Variants in STPG2 observed in about 807,000 individuals in gnomAD.
STPG2 encodes sperm tail PG-rich repeat containing 2.
In STPG2, 56 loss-of-function variants were observed where a neutral mutation model predicts 54.2. The observed-to-expected ratio is 1.03, with a 90% confidence interval of 0.83 to 1.29. The LOEUF is 1.29. Among genes scored for constraint, STPG2 ranks in the 50% most tolerant of loss-of-function variants. The pLI, the probability that STPG2 is intolerant of heterozygous loss-of-function variation, is 0.00. For synonymous variants in STPG2, 200 were observed against 181.8 expected, an observed-to-expected ratio of 1.10 and a Z score of -0.81; for missense variants, 596 against 544.9, an observed-to-expected ratio of 1.09 and a Z score of -0.93.
At chr4:97,736,667 G>A (rs1467403680) in intron 9 of STPG2, among the ~76,000 whole-genome samples, 1 of 152,178 alleles carries the variant, frequency 6.6e-6, no homozygotes, top group Non-Finnish European at 1.5e-5. Flanking sequence ...AGGGGCACCT[G>A]TCATTGCCCA....
chr4:98,000,533 T>C (rs1258660439), intron 5 of STPG2, among the ~76,000 whole-genome samples: 2 of 152,158 alleles, frequency 1.3e-5, no homozygotes, highest in Non-Finnish European at 2.9e-5. Flanking sequence ...AAAGAACATA[T>C]ATCTATTACA....
At chr4:97,731,485 A>G (rs1390640754) in intron 9 of STPG2, among the ~76,000 whole-genome samples, 1 of 152,150 alleles carries the variant, frequency 6.6e-6, no homozygotes, top group African/African-American at 2.4e-5. Context: ...GGAAGCCTAG[A>G]GAGGAAGGTT....
intron 10 of STPG2, among the ~76,000 whole-genome samples, chr4:97,581,949 A>G (rs1365213954): frequency 6.6e-6 from 1 of 151,994 alleles, no homozygotes. Context: ...AGTGTCCACA[A>G]TGGGAAAAAA....
chr4:97,823,653 T>A (rs1728158717), intron 9 of STPG2, among the ~76,000 whole-genome samples: 1 of 152,176 alleles, frequency 6.6e-6, no homozygotes, highest in Admixed American at 6.5e-5. Context: ...GGTCTGGATT[T>A]GGACCCCTTT....
intron 5 of STPG2, among the ~76,000 whole-genome samples, chr4:98,086,666 G>GA (rs35225418): frequency 0.02 from 1,900 of 94,844 alleles, 88 homozygotes; most frequent in African/African-American, 0.069. Context: ...ATGCATGCCA[G>GA]AAAAAAAAAA....
chr4:97,903,770 G>A (rs1036088727), intron 8 of STPG2, among the ~76,000 whole-genome samples: 3 of 152,240 alleles, frequency 2.0e-5, no homozygotes, highest in Non-Finnish European at 4.4e-5. Flanking sequence ...AGCAGGGCGA[G>A]ACATTGCCTC....
At position 97,678,108 on chromosome 4, in the gene STPG2, A is replaced by T. The variant is rs534741756; in HGVS notation, c.1320+34591T>A. Among the ~76,000 whole-genome samples, 53 of 152,190 alleles carry T rather than the reference A, an allele frequency of 3.5e-4. No individual in the cohort carries two copies. The South Asian group carries it at 0.011, about 31-fold the overall frequency. On this transcript the variant is annotated intron_variant, in intron 10 of 10. Transcript: ENST00000295268. ...TATCAGTAAAAAAAAAAATAAATGAAATTGCTAAAAGGAAATACATGCTTC... is the reference window on the plus strand; with the variant it reads ...TATCAGTAAAAAAAAAAATAAATGATATTGCTAAAAGGAAATACATGCTTC...
chr4:97,925,341 C>T (rs1443638707), intron 8 of STPG2, among the ~76,000 whole-genome samples: 1 of 152,120 alleles, frequency 6.6e-6, no homozygotes, highest in Non-Finnish European at 1.5e-5. Context: ...CTGCTGTTTG[C>T]TTATCAAACC....
At chr4:97,945,978 G>A (rs1385149257) in intron 7 of STPG2, among the ~76,000 whole-genome samples, 3 of 151,996 alleles carry the variant, frequency 2.0e-5, no homozygotes, top group African/African-American at 4.8e-5. Context: ...AGGATCCCTG[G>A]AGCCTGGGAG....
chr4:97,937,868 C>T (rs1257354810), intron 8 of STPG2, among the ~76,000 whole-genome samples: 8 of 152,194 alleles, frequency 5.3e-5, no homozygotes, highest in East Asian at 3.9e-4. Context: ...CTGGGGTGGG[C>T]GCAGGAACCA....
intron 4 of STPG2, among the ~76,000 whole-genome samples, chr4:97,550,958 C>G (rs1318792954): frequency 6.6e-6 from 1 of 151,622 alleles, no homozygotes; most frequent in Non-Finnish European, 1.5e-5. Context: ...AAAGAGTGAG[C>G]AGCAGCAAGA....
intron 10 of STPG2, among the ~76,000 whole-genome samples, chr4:97,684,073 G>A (rs1175305189): frequency 6.6e-6 from 1 of 151,308 alleles, no homozygotes; most frequent in Non-Finnish European, 1.5e-5. Context: ...GATATATGAG[G>A]GAAACTATGA....
intron 8 of STPG2, among the ~76,000 whole-genome samples, chr4:97,847,533 A>G (rs1045709537): frequency 1.3e-5 from 2 of 152,166 alleles, no homozygotes; most frequent in Non-Finnish European, 2.9e-5. Flanking sequence ...ACTGGAAAAC[A>G]TGATACTTCA....
chr4:97,952,639 C>T (rs1733515033), intron 7 of STPG2, among the ~76,000 whole-genome samples: 1 of 152,124 alleles, frequency 6.6e-6, no homozygotes, highest in African/African-American at 2.4e-5. Flanking sequence ...TCAAGTCTCC[C>T]AGCATCAGGT....
chr4:97,902,520 T>C (rs899797219), intron 8 of STPG2, among the ~76,000 whole-genome samples: 2 of 152,126 alleles, frequency 1.3e-5, no homozygotes, highest in African/African-American at 2.4e-5. Flanking sequence ...AAGACATTTG[T>C]ATGGCCAATA....
intron 5 of STPG2, among the ~76,000 whole-genome samples, chr4:97,988,250 T>G (rs1209125108): frequency 6.6e-6 from 1 of 152,178 alleles, no homozygotes; most frequent in Non-Finnish European, 1.5e-5. Flanking sequence ...TGTCACCTTC[T>G]CAATGAGTCA....
chr4:97,478,871 A>ATGTG (rs1491199780), intron 4 of STPG2, among the ~76,000 whole-genome samples: 1 of 125,130 alleles, frequency 8.0e-6, no homozygotes, highest in Non-Finnish European at 1.7e-5. Flanking sequence ...ACCAAGCCAA[A>ATGTG]TATGTGTGTG....
At chr4:97,739,900 G>A (rs1257623158) in intron 9 of STPG2, among the ~76,000 whole-genome samples, 1 of 151,988 alleles carries the variant, frequency 6.6e-6, no homozygotes, top group South Asian at 2.1e-4. Flanking sequence ...GCCGGGCAGA[G>A]ACACAACAAA....
chr4:97,789,643 A>G (rs1022090064), intron 9 of STPG2, among the ~76,000 whole-genome samples: 1 of 152,202 alleles, frequency 6.6e-6, no homozygotes, highest in Admixed American at 6.5e-5. Context: ...TATACGAACT[A>G]TTTATATAAA....
Sources: gnomAD v4.1 joint callset for allele counts (sites outside exome capture counted in the v4.1 genomes callset) on GRCh38, gnomAD v4.1.1 for gene constraint, MANE v1.5 for transcripts, NCBI Gene and HGNC (gene_info 2026-07-23, HGNC 2026-07-21) for gene names.